The following VIPAS39 variants were observed in gnomAD, a reference collection of about 807,000 sequenced individuals.
VIPAS39 encodes spermatogenesis-defective protein 39 homolog.
In VIPAS39, 63 loss-of-function variants were observed where a neutral mutation model predicts 84.7. The ratio of observed to expected loss-of-function variants is 0.74; its 90% CI spans 0.61 to 0.92. The LOEUF (loss-of-function observed/expected upper bound fraction) is 0.92. Among genes scored for constraint, VIPAS39 ranks in the 40% least tolerant of loss-of-function variants. The pLI is 0.00. For missense variants in VIPAS39, 499 were observed against 604.5 expected (o/e 0.83, Z 1.83); for synonymous variants, 192 against 216.5 (o/e 0.89, Z 0.99).
chr14:77,452,779 C>CAAAA (rs11418833), intron 3 of VIPAS39, among the ~76,000 whole-genome samples: 10 of 106,750 alleles, frequency 9.4e-5, no homozygotes, highest in Admixed American at 1.2e-4. Context: ...GACTCCATCT[C>CAAAA]AAAAAAAAAA....
At chr14:77,441,423 A>G (rs2078701924) in intron 10 of VIPAS39, among the ~76,000 whole-genome samples, 1 of 152,058 alleles carries the variant, frequency 6.6e-6, no homozygotes, top group Non-Finnish European at 1.5e-5. Context: ...TACAATCTTG[A>G]AAACAGATTT....
At chr14:77,446,504 A>G (rs1196307650) in intron 7 of VIPAS39, among the ~76,000 whole-genome samples, 1 of 152,156 alleles carries the variant, frequency 6.6e-6, no homozygotes, top group African/African-American at 2.4e-5. Flanking sequence ...TATTATGATC[A>G]TTGCCAATTC....
At chr14:77,443,175 C>T (rs1566731620) in intron 8 of VIPAS39, 23 bp from the exon 9 acceptor site, 1 of 1,614,140 alleles carries the variant, frequency 6.2e-7, no homozygotes, top group Non-Finnish European at 8.5e-7. Flanking sequence ...AGAACAAAGA[C>T]TGTGCAAACT....
chr14:77,433,071 T>C (rs183588470), intron 16 of VIPAS39, among the ~76,000 whole-genome samples: 10 of 152,302 alleles, frequency 6.6e-5, no homozygotes, highest in African/African-American at 2.2e-4. Context: ...TCCAAGGTCT[T>C]TGATTGGATC....
intron 12 of VIPAS39, among the ~76,000 whole-genome samples, chr14:77,437,111 G>A (rs1438117668): frequency 3.3e-5 from 5 of 152,104 alleles, no homozygotes; most frequent in Non-Finnish European, 7.3e-5. Context: ...ACATGAAGCC[G>A]GGAAATCATG....
intron 2 of VIPAS39, 77 bp from the exon 3 acceptor site, chr14:77,453,478 A>ATT (rs1300984835): frequency 1.4e-6 from 2 of 1,408,518 alleles, no homozygotes; most frequent in Non-Finnish European, 2.0e-6. Context: ...AAGAAGGCTG[A>ATT]GGAATTGGGG....
At chr14:77,428,861 C>T in intron 18 of VIPAS39, 145 bp downstream of exon 18, 1 of 735,308 alleles carries the variant, frequency 1.4e-6, no homozygotes, top group Non-Finnish European at 2.4e-6. Flanking sequence ...GTGCTGGTCT[C>T]CAAACAAACT....
In VIPAS39 at chr14:77,454,050, T is replaced by C. The variant is rs745431826; in HGVS notation, c.53A>G (p.Lys18Arg). ...EEEYWNSSKF[K>R]AFTFDDEDDE... ...GTCTTCATCGTCAAAGGTAAAAGCC[T>C]TGAACTTGGAGCTGTTCCAATACTC... Residue 18 changes from lysine to arginine, a missense_variant, in exon 2 of 20, where the codon AAG (lysine) becomes AGG (arginine). Physicochemically the swap from Lys to Arg is conservative, Grantham distance 26. Transcript: ENST00000557658. 1.2e-6 allele frequency: 2 copies of C among 1,614,182 alleles called. No homozygotes were observed. Among genetic ancestry groups the C allele is most frequent in the Admixed American group, 1.7e-5 (1 of 60,028 alleles).
At chr14:77,448,218 T>C (rs1260423060) in intron 7 of VIPAS39, among the ~76,000 whole-genome samples, 4 of 152,170 alleles carry the variant, frequency 2.6e-5, no homozygotes, top group Non-Finnish European at 5.9e-5. Context: ...CCTCCCAAAG[T>C]GCTGGGATTA....
chr14:77,451,900 T>G (rs1012322223), intron 3 of VIPAS39, among the ~76,000 whole-genome samples: 13 of 152,212 alleles, frequency 8.5e-5, no homozygotes, highest in African/African-American at 3.1e-4. Context: ...TAGTATGAAT[T>G]GGTACAACCC....
At chr14:77,444,378 C>G (rs1462162058) in intron 7 of VIPAS39, 37 bp from the exon 8 acceptor site, 1 of 1,569,012 alleles carries the variant, frequency 6.4e-7, no homozygotes, top group Non-Finnish European at 8.8e-7. Flanking sequence ...CACAAGAAGA[C>G]AGTTTTCTTT....
chr14:77,448,617 T>C (rs2078834887), intron 6 of VIPAS39, 67 bp from the exon 7 acceptor site: 2 of 1,530,538 alleles, frequency 1.3e-6, no homozygotes, highest in African/African-American at 1.4e-5. Context: ...TACCCGCTCC[T>C]CAACTCAAAC....
At chr14:77,430,249 G>C (rs1413655511) in intron 16 of VIPAS39, among the ~76,000 whole-genome samples, 1 of 152,092 alleles carries the variant, frequency 6.6e-6, no homozygotes, top group Non-Finnish European at 1.5e-5. Flanking sequence ...TACAGTGTTT[G>C]ATTTTGACAA....
At chr14:77,434,165 A>G in intron 15 of VIPAS39, 97 bp downstream of exon 15, 1 of 1,344,546 alleles carries the variant, frequency 7.4e-7, no homozygotes, top group East Asian at 2.3e-5. Flanking sequence ...TTAACCTTGA[A>G]TATCAAAGGA....
In VIPAS39 at chr14:77,428,406, T is replaced by C; in HGVS notation, c.1425A>G (p.Ala475=). 6.2e-7 allele frequency: 1 copy of C among 1,614,022 alleles called. No individual in the cohort carries two copies. The highest frequency in any genetic ancestry group is 8.5e-7 in the Non-Finnish European group (1 of 1,179,902). ...AYRSKVDKGS[A]EEEKIDALLS... ...GAAGAGCATCAATCTTCTCCTCCTC[T>C]GCTGATCCTTTATCTACCTTACTCC... The change falls in exon 19 of 20, where the codon GCA becomes GCG. Residue 475 remains alanine, a synonymous_variant. Coordinates refer to ENST00000557658, the MANE Select transcript of VIPAS39 (RefSeq NM_001193315.2).
At chr14:77,453,524 AAGCCTAGC>A (rs1205298416) in intron 2 of VIPAS39, 123 bp from the exon 3 acceptor site, 1 of 892,204 alleles carries the variant, frequency 1.1e-6, no homozygotes, top group Non-Finnish European at 1.9e-6. Flanking sequence ...GTGCAATCGA[AAGCCTAGC>A]ATACTACATA....
rs2078720785 is a variant in VIPAS39, at chr14:77,442,630, C to T, written c.664G>A (p.Val222Ile). Reference protein sequence around the residue: ...ILFRELEVRQVALRHLIHFLK... With the variant: ...ILFRELEVRQIALRHLIHFLK... ...AAGTGAATAAGATGTCTCAGGGCAACCTGTCGCACCTCCAGCTCTCGGAAG... is the reference window on the plus strand; with the variant it reads ...AAGTGAATAAGATGTCTCAGGGCAATCTGTCGCACCTCCAGCTCTCGGAAG... The change falls in exon 10 of 20, where the codon GTT (valine) becomes ATT (isoleucine). Residue 222 changes from valine (V) to isoleucine (I), a missense_variant. Transcript: ENST00000557658. 6.2e-7 allele frequency: 1 copy of T among 1,614,220 alleles called. No individual in the cohort carries two copies. The highest frequency in any genetic ancestry group is 8.5e-7 in the Non-Finnish European group (1 of 1,180,040).
intron 16 of VIPAS39, among the ~76,000 whole-genome samples, chr14:77,430,609 C>T (rs1050106865): frequency 6.6e-6 from 1 of 151,114 alleles, no homozygotes; most frequent in Admixed American, 6.6e-5. Flanking sequence ...CCCAGCTACT[C>T]GGGAGGTTGA....
At chr14:77,444,486 TAA>T in intron 7 of VIPAS39, 145 bp from the exon 8 acceptor site, 1 of 696,636 alleles carries the variant, frequency 1.4e-6, no homozygotes, top group Non-Finnish European at 2.3e-6. Context: ...CCAGCACTTA[TAA>T]AACAGTTGGC....
Sources: gnomAD v4.1 joint callset for allele counts (sites outside exome capture counted in the v4.1 genomes callset) on GRCh38, gnomAD v4.1.1 for gene constraint, MANE v1.5 for transcripts, NCBI Gene and HGNC (gene_info 2026-07-23, HGNC 2026-07-21) for gene names.